Variants in WDR37 observed in about 807,000 individuals in gnomAD.
WDR37 encodes the protein WD repeat domain 37, also known as WD repeat-containing protein 37.
In WDR37, 19 loss-of-function variants were observed where a neutral mutation model predicts 62.9. The ratio of observed to expected loss-of-function variants is 0.30; its 90% CI spans 0.21 to 0.44. The LOEUF is 0.44. Among genes scored for constraint, WDR37 ranks in the 20% least tolerant of loss-of-function variants. WDR37 has a pLI of 1.00. For synonymous variants in WDR37, 250 were observed against 260.9 expected (o/e 0.96, Z 0.40); for missense variants, 474 against 657.6 (o/e 0.72, Z 3.05).
intron 11 of WDR37, among the ~76,000 whole-genome samples, chr10:1,111,393 T>C (rs1053739116): frequency 2.0e-5 from 3 of 152,224 alleles, no homozygotes; most frequent in African/African-American, 7.2e-5. Context: ...TTCCCCACTT[T>C]CTTTTTTTTC....
intron 1 of WDR37, among the ~76,000 whole-genome samples, chr10:1,060,823 G>C (rs569066144): frequency 6.6e-6 from 1 of 152,306 alleles, no homozygotes; most frequent in South Asian, 2.1e-4. Flanking sequence ...TCTATGTGTA[G>C]ATATGTTTAG....
chr10:1,127,979 A>G (rs1835852369), intron 13 of WDR37, among the ~76,000 whole-genome samples: 1 of 152,318 alleles, frequency 6.6e-6, no homozygotes, highest in South Asian at 2.1e-4. Context: ...TTCACTGTGC[A>G]GAGCTCTTGC....
Position 1,121,976 on chromosome 10 carries a change from C to CTTAATGCAGTGGAACTT in WDR37, c.1104-2241_1104-2225dup, listed in dbSNP as rs1835595861. Among the ~76,000 whole-genome samples, 1 of 152,142 alleles carries CTTAATGCAGTGGAACTT rather than the reference C, an allele frequency of 6.6e-6. No homozygotes were observed. The highest frequency in any genetic ancestry group is 1.5e-5 in the Non-Finnish European group (1 of 68,030). ...GATGTTATATTTTTAAAAACCTTGT[C>CTTAATGCAGTGGAACTT]TTAATGCAGTGGAACTTAGACGTAA... On this transcript the variant is annotated intron_variant, in intron 11 of 13. Transcript: ENST00000263150. The surrounding 1 kb of genome is among the most constrained non-coding windows in gnomAD (Gnocchi z 4.5).
chr10:1,117,728 G>A (rs1389739319), intron 11 of WDR37, among the ~76,000 whole-genome samples: 1 of 152,232 alleles, frequency 6.6e-6, no homozygotes, highest in Non-Finnish European at 1.5e-5. Context: ...GGGAGGGGTG[G>A]CTGCCTAAAG....
chr10:1,119,075 T>G (rs1300659936), intron 11 of WDR37, among the ~76,000 whole-genome samples: 1 of 152,236 alleles, frequency 6.6e-6, no homozygotes, highest in East Asian at 1.9e-4. Context: ...GTTAGGAATT[T>G]CTTCTGTATA....
intron 13 of WDR37, among the ~76,000 whole-genome samples, chr10:1,125,758 C>T (rs898055192): frequency 1.3e-5 from 2 of 152,184 alleles, no homozygotes; most frequent in African/African-American, 4.8e-5. Flanking sequence ...TCTTCCACCT[C>T]CAGCCAGAAG....
intron 5 of WDR37, among the ~76,000 whole-genome samples, chr10:1,083,599 A>C (rs559163217): frequency 6.6e-6 from 1 of 152,366 alleles, no homozygotes; most frequent in East Asian, 1.9e-4. Context: ...AAAATTTAAA[A>C]AGCAAACTCT....
chr10:1,092,872 C>CAAAAAAAAAAAAAAAAAAAAAAAAAAAA lies in WDR37; in HGVS notation c.605-554_605-553insAAAAAAAAAAAAAAAAAAAAAAAAAAAA, dbSNP rs56220560. ...GCAACCAGAGCAAGACCCTATCTCA[C>CAAAAAAAAAAAAAAAAAAAAAAAAAAAA]AAAAAAAAAAAAAAAAAAAAAAAAA... On this transcript the variant is annotated intron_variant, in intron 7 of 13. Coordinates refer to ENST00000263150, the MANE Select transcript of WDR37 (RefSeq NM_014023.4). Among the ~76,000 whole-genome samples, 11 of 41,976 alleles carry CAAAAAAAAAAAAAAAAAAAAAAAAAAAA rather than the reference C, an allele frequency of 2.6e-4. 1 individual carries two copies. In the East Asian group the frequency reaches 3.8e-3, roughly 15 times the overall value. The allele number at this position is 41,976 out of a possible 152,430, so 27.5% of individuals were successfully genotyped here. A position where few individuals can be genotyped will look rare whatever the true frequency, so the allele number is the denominator to read the frequency against.
intron 7 of WDR37, among the ~76,000 whole-genome samples, chr10:1,092,406 G>A (rs893208027): frequency 4.6e-5 from 7 of 151,012 alleles, no homozygotes; most frequent in East Asian, 2.0e-4. Flanking sequence ...TCGCTCTGTC[G>A]CCCAGGCTGG....
At chr10:1,107,398 T>C (rs146418252) in intron 11 of WDR37, among the ~76,000 whole-genome samples, 11 of 152,388 alleles carry the variant, frequency 7.2e-5, no homozygotes, top group African/African-American at 2.6e-4. Flanking sequence ...AGGAGCAAGA[T>C]GGTCTCACTC....
intron 13 of WDR37, among the ~76,000 whole-genome samples, chr10:1,128,025 A>G (rs1216698242): frequency 6.6e-6 from 1 of 152,188 alleles, no homozygotes; most frequent in African/African-American, 2.4e-5. Flanking sequence ...TAGTGGATGC[A>G]TTGCTGCTTC....
chr10:1,092,137 G>A (rs1245038866), intron 7 of WDR37, among the ~76,000 whole-genome samples: 6 of 140,912 alleles, frequency 4.3e-5, no homozygotes, highest in African/African-American at 1.1e-4. Context: ...CTGAGATCGC[G>A]CCACTGCACT....
At chr10:1,077,049 T>A (rs1833900905) in intron 2 of WDR37, among the ~76,000 whole-genome samples, 1 of 151,996 alleles carries the variant, frequency 6.6e-6, no homozygotes, top group Non-Finnish European at 1.5e-5. Flanking sequence ...TAGAAATATT[T>A]GATGGGGATT....
At chr10:1,126,783 C>T (rs762538280) in intron 13 of WDR37, among the ~76,000 whole-genome samples, 4 of 152,248 alleles carry the variant, frequency 2.6e-5, no homozygotes, top group Non-Finnish European at 5.9e-5. Context: ...CTTCCGGTAG[C>T]ACAGACTTTC....
chr10:1,116,609 G>T (rs983606473), intron 11 of WDR37, among the ~76,000 whole-genome samples: 1 of 152,184 alleles, frequency 6.6e-6, no homozygotes, highest in Non-Finnish European at 1.5e-5. Flanking sequence ...TGATATCCAA[G>T]GTTATCATAA....
chr10:1,119,064 C>T (rs958459972), intron 11 of WDR37, among the ~76,000 whole-genome samples: 4 of 152,172 alleles, frequency 2.6e-5, no homozygotes, highest in South Asian at 2.1e-4. Context: ...AGTGCATCGG[C>T]GTTAGGAATT....
chr10:1,069,389 ATTTTTT>A lies in WDR37; in HGVS notation c.-40-2714_-40-2709del, dbSNP rs377212232. ...GGAAAGAATATATATATATATATAT[ATTTTTT>A]TTTTTTTTTTTTGCAGCAGGTGAAT... On this transcript the variant is annotated intron_variant, in intron 1 of 13. Coordinates refer to ENST00000263150, the MANE Select transcript of WDR37 (RefSeq NM_014023.4). 4.1e-3 allele frequency among the ~76,000 whole-genome samples: 390 copies of A among 95,780 alleles called. 7 individuals carry two copies. Among genetic ancestry groups the A allele is most frequent in the East Asian group, 7.5e-3 (22 of 2,922 alleles). The allele number at this position is 95,780 out of a possible 152,430, so 62.8% of individuals were successfully genotyped here.
chr10:1,073,000 C>CT lies in WDR37; in HGVS notation c.138+709dup, dbSNP rs1833772251. On this transcript the variant is annotated intron_variant, in intron 2 of 13. Transcript: ENST00000263150. ...GGAATCAGATCTTTTAGTGACTTTG[C>CT]TTAGGTTTATCCTTGTCTCTGCCGC... Among the ~76,000 whole-genome samples the CT allele has an allele frequency of 2.0e-5, 3 of 152,056 alleles. No homozygotes were observed. The South Asian group carries it at 6.2e-4, about 32-fold the overall frequency.
At chr10:1,095,235 CGTG>C (rs1834535302) in intron 8 of WDR37, among the ~76,000 whole-genome samples, 1 of 138,666 alleles carries the variant, frequency 7.2e-6, no homozygotes, top group African/African-American at 2.8e-5. Flanking sequence ...GACTTGGAAA[CGTG>C]AGGTAATGGG....
Sources: gnomAD v4.1 joint callset for allele counts (sites outside exome capture counted in the v4.1 genomes callset) on GRCh38, gnomAD v4.1.1 for gene constraint, Gnocchi (gnomAD v3.1) non-coding constraint, MANE v1.5 for transcripts, NCBI Gene and HGNC (gene_info 2026-07-23, HGNC 2026-07-21) for gene names.